DYNAP: variants seen among roughly 807,000 people sequenced by gnomAD.
DYNAP encodes the protein dynactin-associated protein.
In DYNAP, 7 loss-of-function variants were observed where a neutral mutation model predicts 8.5. The observed-to-expected ratio is 0.82, with a 90% CI of 0.47 to 1.54. The LOEUF is 1.54. DYNAP is among the 40% of genes most tolerant of loss of function. DYNAP has a pLI of 0.01. For synonymous variants in DYNAP, 77 were observed against 77.9 expected (o/e 0.99, Z 0.06); for missense variants, 256 against 224.3 (o/e 1.14, Z -0.90).
chr18:54,596,245 TA>T lies in DYNAP; in HGVS notation c.222+1144del, dbSNP rs113135254. Among the ~76,000 whole-genome samples, 356 of 151,944 alleles carry T rather than the reference TA, an allele frequency of 2.3e-3. 3 individuals are homozygous for T. Among genetic ancestry groups the T allele is most frequent in the African/African-American group, 7.7e-3 (317 of 41,434 alleles). On this transcript the variant is annotated intron_variant, in intron 2 of 2. Transcript: ENST00000648945. ...ATGCCACCATGCCTGGCTAATTTTT[TA>T]ATTTTTTGTAGAGTTGAGGTCTTGC...
upstream of DYNAP, among the ~76,000 whole-genome samples, chr18:54,582,981 C>T (rs191091764): frequency 1.6e-4 from 24 of 152,260 alleles, no homozygotes; most frequent in East Asian, 3.9e-4. Context: ...CAACCATCAA[C>T]GCTTTTTAAT....
chr18:54,586,211 C>T (rs771580882), upstream of DYNAP, among the ~76,000 whole-genome samples: 3 of 152,168 alleles, frequency 2.0e-5, no homozygotes, highest in Non-Finnish European at 4.4e-5. Flanking sequence ...TTTTTGTGTT[C>T]ATCCCTGAAA....
upstream of DYNAP, among the ~76,000 whole-genome samples, chr18:54,583,047 CT>C (rs1408615507): frequency 6.6e-6 from 1 of 152,152 alleles, no homozygotes; most frequent in Non-Finnish European, 1.5e-5. Flanking sequence ...CAGTCTTCAT[CT>C]TTGAGGGTCA....
At chr18:54,584,219 A>T (rs947084796), upstream of DYNAP, among the ~76,000 whole-genome samples, 11 of 149,988 alleles carry the variant, frequency 7.3e-5, no homozygotes, top group Non-Finnish European at 1.3e-4. Flanking sequence ...ACTTTTAATT[A>T]TACATTTAGA....
At chr18:54,580,425 C>A in the DYNAP span, among the ~76,000 whole-genome samples, 3 of 152,200 alleles carry the variant, frequency 2.0e-5, no homozygotes, top group Non-Finnish European at 4.4e-5. Context: ...TCAAATTAAG[C>A]TGCAACTACC....
Position 54,597,935 on chromosome 18 carries a change from G to T in DYNAP, c.345G>T (p.Ser115=), listed in dbSNP as rs112808305. The T allele has an allele frequency of 4.1e-4, 655 of 1,613,412 alleles. 7 individuals are homozygous for T. In the African/African-American group the frequency reaches 6.9e-3, roughly 17 times the overall value. The change falls in exon 3 of 3, where the codon TCG becomes TCT. Residue 115 remains serine (S), a synonymous_variant. Transcript: ENST00000648945. The part of the protein sequence containing the change: ...LIICLVNNKG[S]ANSSIVIQLS... Reference sequence around the variant, plus strand: ...TATGCTTGGTGAATAACAAAGGATCGGCCAATTCCTCCATTGTTATCCAGC... The same window carrying T: ...TATGCTTGGTGAATAACAAAGGATCTGCCAATTCCTCCATTGTTATCCAGC...
In DYNAP at chr18:54,598,987, T is replaced by C. The variant is rs1911427068; in HGVS notation, c.*842T>C. On this transcript the variant is annotated 3_prime_UTR_variant, in exon 3 of 3. Transcript: ENST00000648945. ...CAGGTCTTCAGATAAACTAAACCAA[T>C]TGTCAACCAGAACATGTTTAAATTT... 1 of 152,104 alleles carries C rather than the reference T, an allele frequency of 6.6e-6. No homozygotes were observed. Among genetic ancestry groups the C allele is most frequent in the Non-Finnish European group, 1.5e-5 (1 of 67,994 alleles). 9.4% of individuals were successfully genotyped at this position (152,104 alleles called of 1,614,324 possible). A position where few individuals can be genotyped will look rare whatever the true frequency, so the allele number is the denominator to read the frequency against.
intron 2 of DYNAP, 99 bp downstream of exon 2, chr18:54,595,202 A>C: frequency 1.5e-6 from 2 of 1,301,502 alleles, no homozygotes; most frequent in Non-Finnish European, 2.0e-6. Context: ...TAATTACTTA[A>C]TTCATTTATA....
intron 2 of DYNAP, 82 bp from the exon 3 acceptor site, chr18:54,597,731 T>G: frequency 7.2e-7 from 1 of 1,389,532 alleles, no homozygotes; most frequent in African/African-American, 1.5e-5. Context: ...GTTAACCCAA[T>G]AAGTTATAAG....
upstream of DYNAP, among the ~76,000 whole-genome samples, chr18:54,586,937 C>A (rs1910901534): frequency 6.6e-6 from 1 of 152,168 alleles, no homozygotes; most frequent in Non-Finnish European, 1.5e-5. Context: ...TGTGATCCAG[C>A]AATTAAAGCT....
upstream of DYNAP, among the ~76,000 whole-genome samples, chr18:54,583,708 A>G (rs1910789130): frequency 6.6e-6 from 1 of 152,224 alleles, no homozygotes; most frequent in African/African-American, 2.4e-5. Flanking sequence ...CTATATTTAA[A>G]TATTATCTTA....
upstream of DYNAP, among the ~76,000 whole-genome samples, chr18:54,589,917 TC>T (rs542069148): frequency 4.7e-4 from 72 of 152,296 alleles, no homozygotes; most frequent in Non-Finnish European, 7.6e-4. Context: ...CCCATGTTGG[TC>T]CCTTGTACCC....
the DYNAP span, among the ~76,000 whole-genome samples, chr18:54,581,883 T>A: frequency 1.3e-5 from 2 of 152,240 alleles, no homozygotes; most frequent in Non-Finnish European, 2.9e-5. Context: ...GAATATTTTT[T>A]AAAAAGTTCT....
chr18:54,579,415 A>G, the DYNAP span, among the ~76,000 whole-genome samples: 2 of 152,346 alleles, frequency 1.3e-5, no homozygotes, highest in Non-Finnish European at 2.9e-5. Context: ...ACCAGAAATT[A>G]ATCTTATATA....
chr18:54,584,451 G>A (rs566628844), upstream of DYNAP, among the ~76,000 whole-genome samples: 49 of 151,784 alleles, frequency 3.2e-4, 2 homozygotes, highest in South Asian at 9.6e-3. Flanking sequence ...ACTATAAAAC[G>A]TGAAAATGAA....
chr18:54,578,878 C>T, the DYNAP span, among the ~76,000 whole-genome samples: 6 of 152,136 alleles, frequency 3.9e-5, no homozygotes, highest in African/African-American at 1.4e-4. Flanking sequence ...TGGCTCACTG[C>T]AACCTCCGCC....
upstream of DYNAP, among the ~76,000 whole-genome samples, chr18:54,587,417 C>G (rs1315911075): frequency 6.6e-6 from 1 of 152,114 alleles, no homozygotes; most frequent in Non-Finnish European, 1.5e-5. Flanking sequence ...ACAAACCCAT[C>G]ATACCTCATG....
the DYNAP span, among the ~76,000 whole-genome samples, chr18:54,580,096 C>A: frequency 6.6e-6 from 1 of 152,192 alleles, no homozygotes; most frequent in Non-Finnish European, 1.5e-5. Context: ...ATACCAAATG[C>A]ATTTCAGCTG....
At chr18:54,597,715 A>G (rs1911357104) in intron 2 of DYNAP, 98 bp from the exon 3 acceptor site, 1 of 1,261,388 alleles carries the variant, frequency 7.9e-7, no homozygotes, top group South Asian at 1.6e-5. Flanking sequence ...TAGTGACTCA[A>G]ATGATGTTAA....
Sources: allele counts gnomAD v4.1 joint callset (sites outside exome capture counted in the v4.1 genomes callset), GRCh38; gene constraint gnomAD v4.1.1; transcripts MANE v1.5; gene names NCBI Gene and HGNC (gene_info 2026-07-23, HGNC 2026-07-21).